Variants in PTPRD observed in about 807,000 individuals in gnomAD.
PTPRD encodes protein tyrosine phosphatase receptor type D.
A neutral mutation model predicts 214.5 loss-of-function variants in PTPRD; 34 were observed. The ratio of observed to expected loss-of-function variants is 0.16; its 90% confidence interval spans 0.12 to 0.21. The LOEUF is 0.21. Ranked by LOEUF, PTPRD falls within the 10% of genes least tolerant of loss-of-function variation. The pLI, the probability that PTPRD is intolerant of heterozygous loss-of-function variation, is 1.00. For missense variants in PTPRD, 2,545 were observed against 2,398.7 expected (o/e 1.06, Z -1.27); for synonymous variants, 1,128 against 845.7 (o/e 1.33, Z -5.79).
intron 9 of PTPRD, among the ~76,000 whole-genome samples, chr9:9,384,919 T>C (rs970945078): frequency 2.0e-5 from 3 of 152,108 alleles, no homozygotes; most frequent in Non-Finnish European, 4.4e-5. Context: ...CTTTAAAAAG[T>C]TGTTCATAGT....
intron 5 of PTPRD, among the ~76,000 whole-genome samples, chr9:9,916,178 A>C (rs1388645345): frequency 1.3e-5 from 2 of 152,060 alleles, no homozygotes; most frequent in Non-Finnish European, 2.9e-5. Flanking sequence ...TCAGACAAGC[A>C]AAACTAAGGG....
intron 7 of PTPRD, among the ~76,000 whole-genome samples, chr9:9,651,802 T>G (rs1336509035): frequency 6.7e-6 from 1 of 149,296 alleles, no homozygotes; most frequent in African/African-American, 2.5e-5. Context: ...AATACCACAC[T>G]GCCTTTGTAT....
At chr9:8,478,846 G>T (rs1385738798) in intron 30 of PTPRD, among the ~76,000 whole-genome samples, 1 of 152,144 alleles carries the variant, frequency 6.6e-6, no homozygotes, top group African/African-American at 2.4e-5. Flanking sequence ...CACTTTTTCG[G>T]TGTTGAGGAG....
intron 2 of PTPRD, among the ~76,000 whole-genome samples, chr9:10,418,614 C>G (rs1268762951): frequency 2.0e-5 from 3 of 151,658 alleles, no homozygotes; most frequent in Non-Finnish European, 4.4e-5. Context: ...TTTCCCACTC[C>G]CACTTCCACC....
At chr9:8,331,905 T>C (rs151101170) in intron 43 of PTPRD, among the ~76,000 whole-genome samples, 169 bp from the exon 44 acceptor site, 330 of 151,080 alleles carry the variant, frequency 2.2e-3, no homozygotes, top group Non-Finnish European at 3.8e-3. Flanking sequence ...GCTATAAATA[T>C]TGTCCACACT....
At chr9:9,755,128 T>C (rs1055956811) in intron 6 of PTPRD, among the ~76,000 whole-genome samples, 1 of 152,008 alleles carries the variant, frequency 6.6e-6, no homozygotes, top group African/African-American at 2.4e-5. Flanking sequence ...ATGATTCCTA[T>C]AATCACTCAG....
intron 3 of PTPRD, among the ~76,000 whole-genome samples, chr9:10,079,064 A>C (rs2098186195): frequency 6.6e-6 from 1 of 151,878 alleles, no homozygotes; most frequent in South Asian, 2.1e-4. Flanking sequence ...TTTGTCCTTT[A>C]CACCTGGGTG....
At chr9:10,012,764 C>G (rs2096627956) in intron 4 of PTPRD, among the ~76,000 whole-genome samples, 1 of 151,866 alleles carries the variant, frequency 6.6e-6, no homozygotes, top group South Asian at 2.1e-4. Flanking sequence ...CGAGTGTGTT[C>G]TTGATAGAAA....
At chr9:10,386,519 T>G (rs1391583728) in intron 2 of PTPRD, among the ~76,000 whole-genome samples, 1 of 151,856 alleles carries the variant, frequency 6.6e-6, no homozygotes, top group East Asian at 1.9e-4. Context: ...ATGACAGGTC[T>G]AGTAACCAAC....
intron 5 of PTPRD, among the ~76,000 whole-genome samples, chr9:9,887,449 A>C (rs2071385178): frequency 6.6e-6 from 1 of 152,182 alleles, no homozygotes; most frequent in Non-Finnish European, 1.5e-5. Flanking sequence ...ATACATATAA[A>C]AAAACATGAT....
At chr9:8,976,074 A>C (rs1259584382) in intron 11 of PTPRD, among the ~76,000 whole-genome samples, 1 of 152,192 alleles carries the variant, frequency 6.6e-6, no homozygotes, top group Admixed American at 6.5e-5. Context: ...GATACAACTA[A>C]GTATTTTTCT....
At chr9:8,620,373 C>T (rs1815949507) in intron 14 of PTPRD, among the ~76,000 whole-genome samples, 1 of 152,034 alleles carries the variant, frequency 6.6e-6, no homozygotes, top group African/African-American at 2.4e-5. Context: ...GCATGCCGCT[C>T]ATGGAGAATC....
chr9:9,599,888 T>G (rs1475682631), intron 7 of PTPRD, among the ~76,000 whole-genome samples: 2 of 152,018 alleles, frequency 1.3e-5, no homozygotes, highest in African/African-American at 2.4e-5. Flanking sequence ...ATTGTAAAAC[T>G]CAATTTAAGG....
chr9:8,909,750 T>TAGAGATAGAGATAGAGAC (rs2154259708), intron 11 of PTPRD, among the ~76,000 whole-genome samples: 1 of 148,188 alleles, frequency 6.7e-6, no homozygotes, highest in African/African-American at 2.5e-5. Flanking sequence ...GTGGAAGACA[T>TAGAGATAGAGATAGAGAC]AGAGATAGAG....
intron 31 of PTPRD, among the ~76,000 whole-genome samples, chr9:8,469,722 AAT>A (rs1197601436): frequency 6.6e-6 from 1 of 152,098 alleles, no homozygotes; most frequent in East Asian, 1.9e-4. Flanking sequence ...TTATTGAAAT[AAT>A]GTCTCATTTT....
At chr9:8,884,803 T>C (rs2098473216) in intron 11 of PTPRD, among the ~76,000 whole-genome samples, 1 of 152,242 alleles carries the variant, frequency 6.6e-6, no homozygotes, top group Admixed American at 6.5e-5. Context: ...TTATGAACCA[T>C]TCATTCATTT....
rs147162381 is a variant in PTPRD at position 8,633,882 on chromosome 9, T to C, written c.211-424A>G. On this transcript the variant is annotated intron_variant, in intron 13 of 45. Transcript: ENST00000381196. ...GACTGTAAGGTGAAGAATTAATGCATGCCACCACAGATAGCTCTGCTAGTT... is the reference window on the plus strand; with the variant it reads ...GACTGTAAGGTGAAGAATTAATGCACGCCACCACAGATAGCTCTGCTAGTT... Among the ~76,000 whole-genome samples the C allele has an allele frequency of 1.2e-3, 188 of 152,184 alleles. 2 individuals are homozygous for C. The highest frequency in any genetic ancestry group is 4.3e-3 in the African/African-American group (179 of 41,550).
intron 9 of PTPRD, among the ~76,000 whole-genome samples, chr9:9,354,271 C>G (rs2052744565): frequency 6.6e-6 from 1 of 151,750 alleles, no homozygotes; most frequent in Non-Finnish European, 1.5e-5. Context: ...TGTACAGGGA[C>G]ATGTATGGGT....
At chr9:9,568,528 A>G (rs1199851296) in intron 8 of PTPRD, among the ~76,000 whole-genome samples, 1 of 151,942 alleles carries the variant, frequency 6.6e-6, no homozygotes, top group Non-Finnish European at 1.5e-5. Flanking sequence ...AGCTTTGCCC[A>G]ACTAGTGAAC....
Sources: gnomAD v4.1 joint callset for allele counts (sites outside exome capture counted in the v4.1 genomes callset) on GRCh38, gnomAD v4.1.1 for gene constraint, MANE v1.5 for transcripts, NCBI Gene and HGNC (gene_info 2026-07-23, HGNC 2026-07-21) for gene names.